RAD51: variants seen among roughly 807,000 people sequenced by gnomAD.
The protein encoded by RAD51 is DNA repair protein RAD51 homolog 1.
Under a neutral mutation model 41.5 loss-of-function variants are expected in RAD51, and 14 were observed. The ratio of observed to expected loss-of-function variants is 0.34; its 90% CI spans 0.22 to 0.53. The LOEUF is 0.53. RAD51 is among the 20% of genes least tolerant of loss of function. RAD51 has a pLI of 0.95. For missense variants in RAD51, 234 were observed against 422.0 expected (o/e 0.55, Z 3.90); for synonymous variants, 136 against 148.6 (o/e 0.92, Z 0.62).
In RAD51 at chr15:40,708,566, A is replaced by G. The variant is rs1177536414; in HGVS notation, c.344-459A>G. ...TCTATAAATCTAATTATTTCAAAAT[A>G]CTTTTGGTTTATTTGTTTGTTTGTT... On this transcript the variant is annotated intron_variant, in intron 4 of 9. Coordinates refer to ENST00000267868, the MANE Select transcript of RAD51 (RefSeq NM_002875.5). Among the ~76,000 whole-genome samples the G allele has an allele frequency of 2.0e-5, 3 of 149,860 alleles. No individual in the cohort carries two copies. The East Asian group carries it at 6.0e-4, about 30-fold the overall frequency.
intron 4 of RAD51, among the ~76,000 whole-genome samples, chr15:40,708,327 C>G (rs956879714): frequency 6.7e-6 from 1 of 148,414 alleles, no homozygotes; most frequent in African/African-American, 2.5e-5. Flanking sequence ...CTCCCAGGTT[C>G]AAGTGATTCT....
Position 40,706,218 on chromosome 15 carries a change from A to G in RAD51, c.267A>G (p.Ala89=). ...AKLVPMGFTT[A]TEFHQRRSEI... Reference sequence around the variant, plus strand: ...TAGTTCCAATGGGTTTCACCACTGCAACTGAATTCCACCAAAGGCGGTCAG... The same window carrying G: ...TAGTTCCAATGGGTTTCACCACTGCGACTGAATTCCACCAAAGGCGGTCAG... Residue 89 remains alanine (A), a synonymous_variant, in exon 4 of 10, where the codon GCA becomes GCG. Transcript: ENST00000267868. 6.2e-7 allele frequency: 1 copy of G among 1,614,182 alleles called. No individual in the cohort carries two copies. Among genetic ancestry groups the G allele is most frequent in the East Asian group, 2.2e-5 (1 of 44,886 alleles).
intron 5 of RAD51, among the ~76,000 whole-genome samples, chr15:40,715,451 A>G (rs1895941855): frequency 6.6e-6 from 1 of 152,264 alleles, no homozygotes; most frequent in African/African-American, 2.4e-5. Context: ...ATATGCAAAG[A>G]TAAATGTACA....
intron 6 of RAD51, among the ~76,000 whole-genome samples, chr15:40,724,889 A>ATTTTTTTTTTTTTTTTTTTTTTTTTAT (rs34086110): frequency 1.8e-5 from 1 of 55,410 alleles, no homozygotes; most frequent in African/African-American, 8.4e-5. Flanking sequence ...ATTTTTTTTA[A>ATTTTTTTTTTTTTTTTTTTTTTTTTAT]TTTTTTTTTT....
chr15:40,706,255 A>G lies in RAD51; in HGVS notation c.304A>G (p.Ile102Val), dbSNP rs779012045. The G allele has an allele frequency of 6.2e-7, 1 of 1,614,094 alleles. No individual in the cohort carries two copies. The highest frequency in any genetic ancestry group is 2.2e-5 in the East Asian group (1 of 44,884). Reference protein sequence around the residue: ...FHQRRSEIIQITTGSKELDKL... With the variant: ...FHQRRSEIIQVTTGSKELDKL... ...CCAAAGGCGGTCAGAGATCATACAG[A>G]TTACTACTGGCTCCAAAGAGCTTGA... Residue 102 changes from isoleucine to valine, a missense_variant, in exon 4 of 10, where the codon ATT (isoleucine) becomes GTT (valine). Physicochemically the swap from Ile to Val is conservative, Grantham distance 29. Coordinates refer to ENST00000267868, the MANE Select transcript of RAD51 (RefSeq NM_002875.5).
At chr15:40,718,929 A>G (rs772714392) in intron 6 of RAD51, 30 bp downstream of exon 6, 15 of 1,548,062 alleles carry the variant, frequency 9.7e-6, no homozygotes, top group Non-Finnish European at 1.2e-5. Context: ...AAGAGAGACT[A>G]TGGCTACACT....
At chr15:40,730,128 A>T (rs186929774) in intron 9 of RAD51, among the ~76,000 whole-genome samples, 154 bp downstream of exon 9, 14 of 152,344 alleles carry the variant, frequency 9.2e-5, no homozygotes, top group African/African-American at 3.4e-4. Context: ...TCTCGTTGGT[A>T]TAGATGTTTT....
intron 5 of RAD51, among the ~76,000 whole-genome samples, chr15:40,710,268 A>AAAG (rs1567043733): frequency 6.7e-4 from 90 of 135,144 alleles, no homozygotes; most frequent in Non-Finnish European, 9.8e-4. Context: ...AAAAAAAAAA[A>AAAG]AAGAAGAAGA....
intron 6 of RAD51, among the ~76,000 whole-genome samples, chr15:40,726,856 T>C (rs548819273): frequency 6.7e-6 from 1 of 148,332 alleles, no homozygotes; most frequent in Non-Finnish European, 1.5e-5. Context: ...GAACTTGCAA[T>C]GAGCCGAGAT....
intron 2 of RAD51, among the ~76,000 whole-genome samples, chr15:40,700,681 C>T (rs1446147407): frequency 6.6e-6 from 1 of 152,090 alleles, no homozygotes; most frequent in Non-Finnish European, 1.5e-5. Context: ...TTAAGTACCT[C>T]ATATATAGGG....
chr15:40,698,069 C>A (rs1894759253), intron 1 of RAD51, among the ~76,000 whole-genome samples: 1 of 152,146 alleles, frequency 6.6e-6, no homozygotes, highest in Non-Finnish European at 1.5e-5. Context: ...TCCTATCTAA[C>A]TGAAACTTTG....
chr15:40,724,560 T>C (rs1737969708), intron 6 of RAD51, among the ~76,000 whole-genome samples: 1 of 151,970 alleles, frequency 6.6e-6, no homozygotes, highest in South Asian at 2.1e-4. Flanking sequence ...TAGAATGCAA[T>C]GGTGCAATCA....
intron 5 of RAD51, among the ~76,000 whole-genome samples, chr15:40,712,850 CTG>C (rs1895772005): frequency 7.0e-6 from 1 of 143,314 alleles, no homozygotes; most frequent in Admixed American, 6.9e-5. Flanking sequence ...GGACTCAACT[CTG>C]TTGAGTTTTT....
chr15:40,730,868 G>A (rs1188047651), intron 9 of RAD51, among the ~76,000 whole-genome samples, 187 bp from the exon 10 acceptor site: 1 of 151,902 alleles, frequency 6.6e-6, no homozygotes, highest in African/African-American at 2.4e-5. Flanking sequence ...ACAATCCACT[G>A]AGAGGGGCCA....
rs76614563 is a variant in RAD51 at position 40,723,632 on chromosome 15, G to T, written c.530+4733G>T. 3.3e-5 allele frequency among the ~76,000 whole-genome samples: 5 copies of T among 152,244 alleles called. No individual in the cohort carries two copies. The East Asian group carries it at 9.6e-4, about 29-fold the overall frequency. ...ATTTCCAGTAGGGGATAATCTAAGG[G>T]ATAGAAGAATTGTGGTTAGTGGCGA... On this transcript the variant is annotated intron_variant, in intron 6 of 9. Transcript: ENST00000267868.
intron 5 of RAD51, among the ~76,000 whole-genome samples, chr15:40,717,592 T>C (rs569358938): frequency 6.6e-6 from 1 of 152,312 alleles, no homozygotes; most frequent in South Asian, 2.1e-4. Flanking sequence ...TACTTCTCTT[T>C]TCTTTCCTTT....
chr15:40,718,367 A>G (rs997706813), intron 5 of RAD51, among the ~76,000 whole-genome samples: 2 of 151,990 alleles, frequency 1.3e-5, no homozygotes, highest in Admixed American at 1.3e-4. Flanking sequence ...AAAATACAAA[A>G]ATTAGCTGGG....
Position 40,731,040 on chromosome 15 carries a change from G to A in RAD51, c.897-15G>A. ...TTATAATAAATTGGTGCTTTGGTCT[G>A]TGTCTTTGGGTCAGATTGTATCTGA... On this transcript the variant is annotated splice_polypyrimidine_tract_variant and intron_variant, in intron 9 of 9. Coordinates refer to ENST00000267868, the MANE Select transcript of RAD51 (RefSeq NM_002875.5). 1 of 1,614,028 alleles carries A rather than the reference G, an allele frequency of 6.2e-7. No individual in the cohort carries two copies. Among genetic ancestry groups the A allele is most frequent in the South Asian group, 1.1e-5 (1 of 91,082 alleles).
chr15:40,700,516 A>G (rs909908695), intron 2 of RAD51, among the ~76,000 whole-genome samples: 12 of 152,190 alleles, frequency 7.9e-5, no homozygotes, highest in Non-Finnish European at 1.6e-4. Context: ...GTGGTCTTGT[A>G]GGGCCCAAGG....
Sources: gnomAD v4.1 joint callset for allele counts (sites outside exome capture counted in the v4.1 genomes callset) on GRCh38, gnomAD v4.1.1 for gene constraint, MANE v1.5 for transcripts, NCBI Gene and HGNC (gene_info 2026-07-23, HGNC 2026-07-21) for gene names.